AGO2: variants seen among roughly 807,000 people sequenced by gnomAD.
AGO2 encodes the protein argonaute RISC catalytic component 2.
Under a neutral mutation model 102.3 loss-of-function variants are expected in AGO2, and 5 were observed. The observed-to-expected ratio is 0.05, with a 90% confidence interval of 0.03 to 0.10. AGO2 has a LOEUF of 0.10. Ranked by LOEUF, AGO2 falls within the 10% of genes least tolerant of loss-of-function variation. The probability of loss-of-function intolerance (pLI) is 1.00; values close to 1 mark genes in which losing one functional copy is unlikely to be tolerated. For synonymous variants in AGO2, 449 were observed against 473.1 expected (o/e 0.95, Z 0.66); for missense variants, 541 against 1,183.7 (o/e 0.46, Z 7.97).
chr8:140,555,763 C>A (rs2073083645), intron 10 of AGO2, 133 bp downstream of exon 10: 2 of 1,308,920 alleles, frequency 1.5e-6, no homozygotes, highest in East Asian at 5.2e-5. Context: ...CTTTTACAGG[C>A]TCAGCCGGGA....
intron 3 of AGO2, among the ~76,000 whole-genome samples, chr8:140,565,453 A>C (rs1253854286): frequency 2.7e-5 from 4 of 147,586 alleles, no homozygotes; most frequent in Non-Finnish European, 6.0e-5. Flanking sequence ...AAAAAAAAAA[A>C]CCCAAAAACC....
chr8:140,555,610 C>T (rs2073080510), intron 10 of AGO2: 1 of 334,628 alleles, frequency 3.0e-6, no homozygotes, highest in Non-Finnish European at 5.4e-6. Flanking sequence ...TAATTCGACC[C>T]TCGGTGAGTG....
At chr8:140,635,132 C>A (rs1039346846) in intron 1 of AGO2, among the ~76,000 whole-genome samples, 7 of 146,628 alleles carry the variant, frequency 4.8e-5, no homozygotes, top group African/African-American at 7.3e-5. Flanking sequence ...CACGCGGCGG[C>A]CGCCTCGGCC....
chr8:140,640,986 T>G, the AGO2 span, among the ~76,000 whole-genome samples: 3 of 152,018 alleles, frequency 2.0e-5, no homozygotes, highest in African/African-American at 7.3e-5. Context: ...TTTTCTGGAG[T>G]TAAAAGAGAT....
chr8:140,636,835 C>T (rs1177751198), upstream of AGO2: 1 of 152,264 alleles, frequency 6.6e-6, no homozygotes, highest in Non-Finnish European at 1.5e-5. Context: ...TTCATCACCG[C>T]TTGGACTGCA....
intron 1 of AGO2, among the ~76,000 whole-genome samples, chr8:140,597,483 C>CCCCCCCCCCCCCCCCCCCCCCCG (rs2073865184): frequency 7.2e-6 from 1 of 138,234 alleles, no homozygotes; most frequent in African/African-American, 3.0e-5. Flanking sequence ...CACCCCCCCC[C>CCCCCCCCCCCCCCCCCCCCCCCG]CCCCGCCCCA....
chr8:140,534,850 G>C (rs1468663781), intron 17 of AGO2, among the ~76,000 whole-genome samples: 2 of 152,194 alleles, frequency 1.3e-5, no homozygotes, highest in Non-Finnish European at 2.9e-5. Flanking sequence ...CTGGGGAGGG[G>C]CAGCTCCTAC....
At chr8:140,640,725 T>G in the AGO2 span, among the ~76,000 whole-genome samples, 1 of 152,142 alleles carries the variant, frequency 6.6e-6, no homozygotes, top group East Asian at 1.9e-4. Flanking sequence ...TTCACCATAT[T>G]GGCCAGGCTG....
intron 2 of AGO2, among the ~76,000 whole-genome samples, chr8:140,575,178 C>G (rs2073444777): frequency 6.6e-6 from 1 of 152,192 alleles, no homozygotes; most frequent in Non-Finnish European, 1.5e-5. Context: ...CGAAGGCCGT[C>G]AGCATGGCCC....
At chr8:140,566,981 T>G (rs967657219) in intron 3 of AGO2, among the ~76,000 whole-genome samples, 1 of 152,244 alleles carries the variant, frequency 6.6e-6, no homozygotes, top group Non-Finnish European at 1.5e-5. Flanking sequence ...CAGGAGGTAC[T>G]TTAGGCCCGA....
At chr8:140,639,475 C>A, upstream of AGO2, among the ~76,000 whole-genome samples, 1 of 72,264 alleles carries the variant, frequency 1.4e-5, no homozygotes. Context: ...AGCGAAACTC[C>A]ATCTGAAAAA....
chr8:140,568,562 C>A (rs1370741306), intron 3 of AGO2, among the ~76,000 whole-genome samples: 1 of 152,154 alleles, frequency 6.6e-6, no homozygotes, highest in East Asian at 1.9e-4. Context: ...CGAGCCCAGG[C>A]CGAGAGACAG....
intron 3 of AGO2, among the ~76,000 whole-genome samples, chr8:140,571,103 T>G (rs566724234): frequency 6.6e-6 from 1 of 152,306 alleles, no homozygotes; most frequent in East Asian, 1.9e-4. Context: ...TGATGTGCAT[T>G]TGGTCTAGGA....
At chr8:140,630,511 A>T (rs1049518591) in intron 1 of AGO2, among the ~76,000 whole-genome samples, 3 of 152,254 alleles carry the variant, frequency 2.0e-5, no homozygotes, top group African/African-American at 7.2e-5. Flanking sequence ...GAACAAGTGC[A>T]GGCCCCTGAC....
At chr8:140,532,844 A>T in intron 17 of AGO2, 1 of 460,054 alleles carries the variant, frequency 2.2e-6, no homozygotes, top group East Asian at 4.2e-5. Context: ...AAAATACAAA[A>T]AAATTAGCTA....
intron 1 of AGO2, among the ~76,000 whole-genome samples, chr8:140,621,412 C>T (rs759615371): frequency 9.9e-5 from 15 of 152,152 alleles, no homozygotes; most frequent in African/African-American, 2.9e-4. Flanking sequence ...TGACTCAGAC[C>T]GTGAGCTCGC....
rs2072516434 is a variant in AGO2 at position 140,526,909 on chromosome 8, C to T, written c.*5135G>A. The T allele has an allele frequency of 6.6e-6, 1 of 152,228 alleles. No individual in the cohort carries two copies. The highest frequency in any genetic ancestry group is 1.5e-5 in the Non-Finnish European group (1 of 68,056). The allele number at this position is 152,228 out of a possible 1,614,324, so 9.4% of individuals were successfully genotyped here. On this transcript the variant is annotated 3_prime_UTR_variant, in exon 19 of 19. Transcript: ENST00000220592. The surrounding 1 kb of genome is among the most constrained non-coding windows in gnomAD (Gnocchi z 5.2). ...GGGGGCTACAGCACACGCTGCTACT[C>T]CAGCAAAATAACGGGCACAAATGAC...
intron 1 of AGO2, chr8:140,592,377 CT>C (rs1053225978): frequency 6.6e-6 from 1 of 152,230 alleles, no homozygotes; most frequent in Non-Finnish European, 1.5e-5. Context: ...CTGGTTTCAA[CT>C]CTAGATTTCT....
chr8:140,616,287 C>T (rs1357848384), intron 1 of AGO2, among the ~76,000 whole-genome samples: 2 of 152,232 alleles, frequency 1.3e-5, no homozygotes, highest in African/African-American at 2.4e-5. Context: ...CCGATGACAG[C>T]CCCGCCACCC....
Sources: allele counts gnomAD v4.1 joint callset (sites outside exome capture counted in the v4.1 genomes callset), GRCh38; gene constraint gnomAD v4.1.1; non-coding constraint Gnocchi (gnomAD v3.1); transcripts MANE v1.5; gene names NCBI Gene and HGNC (gene_info 2026-07-23, HGNC 2026-07-21).